Variants in ARHGAP32 observed in about 807,000 individuals in gnomAD.
ARHGAP32 encodes the protein rho GTPase-activating protein 32.
Under a neutral mutation model 186.5 loss-of-function variants are expected in ARHGAP32, and 51 were observed. The ratio of observed to expected loss-of-function variants is 0.27; its 90% CI spans 0.22 to 0.35. ARHGAP32 has a LOEUF of 0.35. ARHGAP32 is among the 10% of genes least tolerant of loss of function. The probability of loss-of-function intolerance (pLI) is 1.00; values close to 1 mark genes in which losing one functional copy is unlikely to be tolerated. For missense variants in ARHGAP32, 2,186 were observed against 2,623.5 expected (o/e 0.83, Z 3.64); for synonymous variants, 950 against 964.3 (o/e 0.99, Z 0.27).
intron 6 of ARHGAP32, among the ~76,000 whole-genome samples, chr11:129,089,593 A>G (rs1018768282): frequency 5.9e-5 from 9 of 152,202 alleles, no homozygotes; most frequent in African/African-American, 2.2e-4. Context: ...ATGATGTAGA[A>G]GAGGCAGGGA....
intron 1 of ARHGAP32, among the ~76,000 whole-genome samples, chr11:129,232,615 C>T (rs992998735): frequency 6.6e-6 from 1 of 151,738 alleles, no homozygotes; most frequent in Non-Finnish European, 1.5e-5. Context: ...CTTACAAGGC[C>T]ATAAAAAAAA....
intron 2 of ARHGAP32, among the ~76,000 whole-genome samples, chr11:129,141,251 G>A (rs1225189193): frequency 1.3e-5 from 2 of 151,388 alleles, no homozygotes; most frequent in Non-Finnish European, 2.9e-5. Context: ...GGAAAAATGT[G>A]CTTATACGGA....
intron 16 of ARHGAP32, 66 bp downstream of exon 16, chr11:128,981,763 C>T (rs1243971404): frequency 1.5e-6 from 2 of 1,291,084 alleles, no homozygotes; most frequent in African/African-American, 1.5e-5. Context: ...CCTTAAAGAA[C>T]ACTGATGAAT....
chr11:129,209,141 A>G (rs1372135884), intron 1 of ARHGAP32, among the ~76,000 whole-genome samples: 1 of 152,202 alleles, frequency 6.6e-6, no homozygotes, highest in Non-Finnish European at 1.5e-5. Flanking sequence ...GAGGATACAC[A>G]CAATCTCATT....
intron 2 of ARHGAP32, chr11:129,125,791 T>C (rs984393463): frequency 8.3e-6 from 3 of 363,198 alleles, no homozygotes; most frequent in South Asian, 4.3e-5. Flanking sequence ...ATTTTCCTTT[T>C]TGAGGGTTTT....
chr11:129,076,985 G>A (rs1941062548), intron 6 of ARHGAP32, among the ~76,000 whole-genome samples: 1 of 152,136 alleles, frequency 6.6e-6, no homozygotes, highest in African/African-American at 2.4e-5. Context: ...ATCCTCACTG[G>A]GGAACCCGAA....
intron 6 of ARHGAP32, among the ~76,000 whole-genome samples, chr11:129,083,533 A>T (rs757313713): frequency 6.6e-6 from 1 of 152,240 alleles, no homozygotes; most frequent in Non-Finnish European, 1.5e-5. Context: ...ACACAAAGGC[A>T]TAAGAATGAT....
At chr11:129,060,926 C>T (rs575383160) in intron 10 of ARHGAP32, among the ~76,000 whole-genome samples, 153 of 152,134 alleles carry the variant, frequency 1.0e-3, no homozygotes, top group Non-Finnish European at 1.6e-3. Context: ...CCCCATTTTA[C>T]AAATGAGGAA....
chr11:129,168,009 C>A (rs568463572), intron 1 of ARHGAP32, among the ~76,000 whole-genome samples: 1 of 152,186 alleles, frequency 6.6e-6, no homozygotes, highest in Non-Finnish European at 1.5e-5. Flanking sequence ...CTTCAAGAGG[C>A]CAAGGTGGGC....
intron 1 of ARHGAP32, among the ~76,000 whole-genome samples, chr11:129,261,573 C>A (rs1036774699): frequency 3.3e-5 from 5 of 152,162 alleles, no homozygotes. Context: ...CCCATTTCGA[C>A]TAGACAGAAA....
chr11:129,040,845 C>A, intron 11 of ARHGAP32, 83 bp downstream of exon 11: 1 of 934,764 alleles, frequency 1.1e-6, no homozygotes, highest in Non-Finnish European at 1.6e-6. Flanking sequence ...ACTAGCAAAA[C>A]AAGCTAAATA....
intron 6 of ARHGAP32, among the ~76,000 whole-genome samples, chr11:129,090,555 C>G (rs1427189078): frequency 2.0e-5 from 3 of 152,038 alleles, no homozygotes; most frequent in Non-Finnish European, 4.4e-5. Flanking sequence ...AAGTATTTTA[C>G]TAAGCAACAA....
chr11:129,244,499 A>C (rs559353843), intron 1 of ARHGAP32, among the ~76,000 whole-genome samples: 1 of 152,368 alleles, frequency 6.6e-6, no homozygotes, highest in East Asian at 1.9e-4. Flanking sequence ...CGAAGGTAGA[A>C]GAAAACCTAG....
chr11:129,165,613 G>A (rs1241330920), intron 1 of ARHGAP32, among the ~76,000 whole-genome samples: 3 of 148,578 alleles, frequency 2.0e-5, no homozygotes, highest in Non-Finnish European at 4.5e-5. Flanking sequence ...AGTGAAAATT[G>A]AGAAAAAAAA....
chr11:129,260,945 G>C (rs542668227), intron 1 of ARHGAP32, among the ~76,000 whole-genome samples: 1 of 152,134 alleles, frequency 6.6e-6, no homozygotes, highest in African/African-American at 2.4e-5. Flanking sequence ...ACAAAGATAA[G>C]AAACAGTTTC....
chr11:129,120,419 G>A (rs1942495434), intron 5 of ARHGAP32, among the ~76,000 whole-genome samples: 1 of 152,008 alleles, frequency 6.6e-6, no homozygotes, highest in Admixed American at 6.6e-5. Context: ...ATACAAGGCT[G>A]GAATTCAAAG....
At chr11:129,273,658 T>TA (rs1010451183) in intron 1 of ARHGAP32, among the ~76,000 whole-genome samples, 1 of 152,228 alleles carries the variant, frequency 6.6e-6, no homozygotes, top group African/African-American at 2.4e-5. Flanking sequence ...CTACTCATCT[T>TA]AAGAGTCCTT....
At chr11:129,074,183 A>G (rs1039686447) in intron 6 of ARHGAP32, among the ~76,000 whole-genome samples, 1 of 152,240 alleles carries the variant, frequency 6.6e-6, no homozygotes, top group Non-Finnish European at 1.5e-5. Flanking sequence ...AATGTAAAAT[A>G]CAACTTTGGT....
upstream of ARHGAP32, among the ~76,000 whole-genome samples, chr11:129,193,666 T>A (rs1458768675): frequency 1.2e-4 from 7 of 56,450 alleles, no homozygotes; most frequent in Admixed American, 3.2e-4. Context: ...ACAATATATA[T>A]TATATATAAT....
Sources: allele counts gnomAD v4.1 joint callset (sites outside exome capture counted in the v4.1 genomes callset), GRCh38; gene constraint gnomAD v4.1.1; transcripts MANE v1.5; gene names NCBI Gene and HGNC (gene_info 2026-07-23, HGNC 2026-07-21).